Variants in SLC35F4 observed in about 807,000 individuals in gnomAD.
SLC35F4 encodes the protein solute carrier family 35 member F4.
SLC35F4 carries 24 observed loss-of-function variants against 44.2 expected under a neutral mutation model. The observed-to-expected ratio is 0.54, with a 90% confidence interval of 0.39 to 0.76. The LOEUF (loss-of-function observed/expected upper bound fraction) is 0.76, where lower values mean the gene tolerates loss of function less well. Among genes scored for constraint, SLC35F4 ranks in the 30% least tolerant of loss-of-function variants. The pLI, the probability that SLC35F4 is intolerant of heterozygous loss-of-function variation, is 0.00. For missense variants in SLC35F4, 562 were observed against 586.1 expected (o/e 0.96, Z 0.42); for synonymous variants, 238 against 223.6 (o/e 1.06, Z -0.57).
intron 1 of SLC35F4, among the ~76,000 whole-genome samples, chr14:57,699,514 G>A (rs996234185): frequency 1.3e-5 from 2 of 152,184 alleles, no homozygotes; most frequent in African/African-American, 2.4e-5. Flanking sequence ...AACCAGGCCA[G>A]ACATTCTCAC....
intron 3 of SLC35F4, among the ~76,000 whole-genome samples, chr14:57,588,083 G>C (rs969400123): frequency 2.6e-5 from 4 of 152,120 alleles, no homozygotes; most frequent in African/African-American, 9.7e-5. Context: ...CTACTCAAGA[G>C]GCTGAGGAAA....
chr14:57,777,779 T>C (rs1490481900), intron 1 of SLC35F4, among the ~76,000 whole-genome samples: 1 of 151,862 alleles, frequency 6.6e-6, no homozygotes, highest in African/African-American at 2.4e-5. Context: ...TAAAGCATAA[T>C]AATAATAATA....
In SLC35F4 at chr14:57,569,494, A is replaced by G. The variant is rs1388246018; in HGVS notation, c.1126+294T>C. On this transcript the variant is annotated intron_variant, in intron 6 of 7. Transcript: ENST00000556826. ...GGAACATTATAACATGATACAGTGT[A>G]TTAGAAAGAATGAATGAGGCTGAAG... 2.0e-5 allele frequency among the ~76,000 whole-genome samples: 3 copies of G among 152,220 alleles called. No individual in the cohort carries two copies. The East Asian group carries it at 5.8e-4, about 29-fold the overall frequency.
intron 1 of SLC35F4, among the ~76,000 whole-genome samples, chr14:57,829,777 C>A (rs566882538): frequency 3.3e-5 from 5 of 152,232 alleles, no homozygotes; most frequent in Admixed American, 3.3e-4. Context: ...GTCTTTTAAT[C>A]CCTTCAGGCA....
At chr14:57,592,475 G>A (rs940823910) in intron 2 of SLC35F4, among the ~76,000 whole-genome samples, 3 of 152,086 alleles carry the variant, frequency 2.0e-5, no homozygotes, top group Non-Finnish European at 4.4e-5. Flanking sequence ...TTAATGATAT[G>A]GTATTTGAAA....
At chr14:57,664,686 C>T (rs1754930682) in intron 1 of SLC35F4, among the ~76,000 whole-genome samples, 1 of 152,226 alleles carries the variant, frequency 6.6e-6, no homozygotes, top group Non-Finnish European at 1.5e-5. Flanking sequence ...GCTGGGATTA[C>T]AGGCGTAAGC....
intron 1 of SLC35F4, among the ~76,000 whole-genome samples, chr14:57,681,244 CA>C (rs1566757852): frequency 6.6e-6 from 1 of 152,040 alleles, no homozygotes; most frequent in Non-Finnish European, 1.5e-5. Flanking sequence ...TGATCTTTGA[CA>C]AACCTGATGA....
chr14:57,783,401 A>G (rs1412984889), intron 1 of SLC35F4, among the ~76,000 whole-genome samples: 2 of 152,018 alleles, frequency 1.3e-5, no homozygotes, highest in Admixed American at 1.3e-4. Context: ...CTATTCTGGA[A>G]AAAAAAATGC....
At chr14:57,623,436 A>T (rs2072306617) in intron 1 of SLC35F4, among the ~76,000 whole-genome samples, 1 of 152,206 alleles carries the variant, frequency 6.6e-6, no homozygotes, top group Admixed American at 6.5e-5. Flanking sequence ...CCACGACTTG[A>T]ACTCAGCTCT....
rs139293114 is a variant in SLC35F4, at chr14:57,676,136, C to T, written c.104-82012G>A. On this transcript the variant is annotated intron_variant, in intron 1 of 7. Transcript: ENST00000556826. Reference sequence around the variant, plus strand: ...GCAAGAGAAAAACAAGTAATCCCATCGAAAAGCAGGCAAAGGTTGATTCCA... The same window carrying T: ...GCAAGAGAAAAACAAGTAATCCCATTGAAAAGCAGGCAAAGGTTGATTCCA... Among the ~76,000 whole-genome samples the T allele has an allele frequency of 8.1e-3, 1,226 of 152,108 alleles. 4 individuals are homozygous for T. The highest frequency in any genetic ancestry group is 0.011 in the Non-Finnish European group (732 of 68,004).
At chr14:57,797,333 G>A (rs2078076976) in intron 1 of SLC35F4, among the ~76,000 whole-genome samples, 1 of 152,178 alleles carries the variant, frequency 6.6e-6, no homozygotes, top group South Asian at 2.1e-4. Flanking sequence ...AATGTAGCCA[G>A]GCCAGCTGGA....
intron 1 of SLC35F4, among the ~76,000 whole-genome samples, chr14:57,946,469 CTTTTTTTTTTTTT>C (rs71104596): frequency 1.1e-3 from 84 of 78,204 alleles, no homozygotes; most frequent in Admixed American, 1.6e-3. Context: ...GTTTTCTTTT[CTTTTTTTTTTTTT>C]TTTTTTTTTT....
chr14:57,649,883 G>C (rs962965919), intron 1 of SLC35F4, among the ~76,000 whole-genome samples: 2 of 152,144 alleles, frequency 1.3e-5, no homozygotes, highest in Non-Finnish European at 2.9e-5. Flanking sequence ...GCAGGTGGGT[G>C]AGAAACACTA....
At chr14:57,662,989 C>T (rs2140241823) in intron 1 of SLC35F4, among the ~76,000 whole-genome samples, 1 of 152,334 alleles carries the variant, frequency 6.6e-6, no homozygotes, top group South Asian at 2.1e-4. Flanking sequence ...TGTTCCTCTA[C>T]TGGGAATGAT....
chr14:57,783,551 C>T (rs1407388800), intron 1 of SLC35F4, among the ~76,000 whole-genome samples: 3 of 152,090 alleles, frequency 2.0e-5, no homozygotes, highest in African/African-American at 7.2e-5. Flanking sequence ...TTGCTAACTC[C>T]AGAAGTTTGA....
chr14:57,889,588 G>T (rs1239274778), intron 1 of SLC35F4, among the ~76,000 whole-genome samples: 1 of 152,164 alleles, frequency 6.6e-6, no homozygotes, highest in African/African-American at 2.4e-5. Context: ...AGTGTAGAAG[G>T]GCCTCCTGGC....
chr14:57,736,948 G>GT (rs35264343), intron 1 of SLC35F4, among the ~76,000 whole-genome samples: 48,407 of 151,716 alleles, frequency 0.32, 8,875 homozygotes, highest in South Asian at 0.47. Flanking sequence ...ACACTGCACT[G>GT]TTTTTTTTCT....
intron 1 of SLC35F4, among the ~76,000 whole-genome samples, chr14:57,955,581 C>T (rs1403604207): frequency 6.6e-6 from 1 of 152,222 alleles, no homozygotes; most frequent in African/African-American, 2.4e-5. Flanking sequence ...TGATAAGCAA[C>T]TTCAGCAAAG....
intron 1 of SLC35F4, among the ~76,000 whole-genome samples, chr14:57,877,466 A>G (rs963159963): frequency 6.6e-6 from 1 of 152,118 alleles, no homozygotes; most frequent in African/African-American, 2.4e-5. Flanking sequence ...GAACATACAC[A>G]AGCATGTTCT....
Sources: gnomAD v4.1 joint callset for allele counts (sites outside exome capture counted in the v4.1 genomes callset) on GRCh38, gnomAD v4.1.1 for gene constraint, MANE v1.5 for transcripts, NCBI Gene and HGNC (gene_info 2026-07-23, HGNC 2026-07-21) for gene names.